The following TANK variants were observed in gnomAD, a reference collection of about 807,000 sequenced individuals.
The protein encoded by TANK is TRAF family member-associated NF-kappa-B activator.
Under a neutral mutation model 43.6 loss-of-function variants are expected in TANK, and 15 were observed. That is an observed-to-expected ratio of 0.34 (90% confidence interval 0.23 to 0.53). The LOEUF (loss-of-function observed/expected upper bound fraction) is 0.53, where lower values mean the gene tolerates loss of function less well. Among genes scored for constraint, TANK ranks in the 20% least tolerant of loss-of-function variants. TANK has a pLI of 0.94. For synonymous variants in TANK, 162 were observed against 178.2 expected, an observed-to-expected ratio of 0.91 and a Z score of 0.73; for missense variants, 417 against 498.6, an observed-to-expected ratio of 0.84 and a Z score of 1.56.
intron 4 of TANK, chr2:161,207,843 G>C (rs934990700): frequency 1.0e-6 from 1 of 985,186 alleles, no homozygotes; most frequent in Admixed American, 6.1e-5. Flanking sequence ...ACATGGATGA[G>C]AACTGGAAGG....
intron 5 of TANK, 41 bp from the exon 6 acceptor site, chr2:161,224,590 G>A (rs1559007014): frequency 2.0e-6 from 2 of 990,700 alleles, no homozygotes; most frequent in East Asian, 2.7e-5. Flanking sequence ...AAACTTGGAA[G>A]TTATAGCTTT....
intron 2 of TANK, among the ~76,000 whole-genome samples, chr2:161,185,466 G>A (rs1277654480): frequency 6.6e-6 from 1 of 151,916 alleles, no homozygotes; most frequent in Admixed American, 6.6e-5. Flanking sequence ...GTGATAACTA[G>A]TGAGGTTTTT....
intron 4 of TANK, chr2:161,211,688 G>T (rs1006087769): frequency 5.8e-6 from 5 of 868,996 alleles, no homozygotes; most frequent in Non-Finnish European, 6.9e-6. Context: ...TTAAAAATTT[G>T]CCCCTGAATT....
intron 1 of TANK, among the ~76,000 whole-genome samples, chr2:161,168,512 A>C (rs1684795755): frequency 6.6e-6 from 1 of 152,112 alleles, no homozygotes; most frequent in Non-Finnish European, 1.5e-5. Flanking sequence ...AAAAGAAAAA[A>C]AATCCTAATT....
Position 161,235,505 on chromosome 2 carries a change from A to G in TANK, c.1265A>G (p.Asn422Ser). The G allele has an allele frequency of 6.2e-7, 1 of 1,613,392 alleles. No individual in the cohort carries two copies. The highest frequency in any genetic ancestry group is 8.5e-7 in the Non-Finnish European group (1 of 1,179,690). Residue 422 changes from asparagine (N) to serine (S), a missense_variant, in exon 8 of 8, where the codon AAT (asparagine) becomes AGT (serine). Coordinates refer to ENST00000392749, the MANE Select transcript of TANK (RefSeq NM_001199135.3). ...DFLRHLNSHF[N>S]GET is the part of the protein sequence containing the mutation. The stretch of plus-strand genomic sequence containing the variant: ...CTTCGGCATCTTAATTCACACTTCA[A>G]TGGAGAGACTTAAGACACATTTGAA...
At chr2:161,193,998 A>G (rs549720797) in intron 2 of TANK, among the ~76,000 whole-genome samples, 5 of 152,294 alleles carry the variant, frequency 3.3e-5, no homozygotes, top group African/African-American at 1.2e-4. Flanking sequence ...ACTCCATAAT[A>G]TGGAATTAAA....
At chr2:161,175,192 T>C (rs1685123936) in intron 1 of TANK, among the ~76,000 whole-genome samples, 1 of 152,190 alleles carries the variant, frequency 6.6e-6, no homozygotes, top group South Asian at 2.1e-4. Flanking sequence ...GTATCAGTGG[T>C]ACCCAGCACA....
intron 2 of TANK, chr2:161,200,327 G>A: frequency 1.0e-6 from 1 of 983,176 alleles, no homozygotes; most frequent in Non-Finnish European, 1.2e-6. Flanking sequence ...CTATGACTGT[G>A]CAACAATAAT....
At chr2:161,196,766 G>T (rs891606111) in intron 2 of TANK, among the ~76,000 whole-genome samples, 1 of 152,164 alleles carries the variant, frequency 6.6e-6, no homozygotes, top group Non-Finnish European at 1.5e-5. Context: ...TGAGGCAGGA[G>T]AATCACTTGA....
At chr2:161,148,037 C>T (rs1337964778) in intron 1 of TANK, among the ~76,000 whole-genome samples, 1 of 152,110 alleles carries the variant, frequency 6.6e-6, no homozygotes, top group Non-Finnish European at 1.5e-5. Context: ...TGGGTATATA[C>T]CTATCAGTAG....
At chr2:161,203,173 T>C (rs1686497278) in intron 2 of TANK, among the ~76,000 whole-genome samples, 1 of 152,136 alleles carries the variant, frequency 6.6e-6, no homozygotes, top group Admixed American at 6.5e-5. Flanking sequence ...CTTTTTTTTT[T>C]CCATTAAGGA....
At chr2:161,169,866 C>T (rs1270551297) in intron 1 of TANK, among the ~76,000 whole-genome samples, 4 of 152,146 alleles carry the variant, frequency 2.6e-5, no homozygotes, top group African/African-American at 9.7e-5. Flanking sequence ...CAGTTTCCTC[C>T]TCTGTAAAGG....
rs986971500 is a variant in TANK, at chr2:161,213,203, T to C, written c.327+8410T>C. Among the ~76,000 whole-genome samples, 4 of 152,164 alleles carry C rather than the reference T, an allele frequency of 2.6e-5. No homozygotes were observed. In the East Asian group the frequency reaches 5.8e-4, roughly 22 times the overall value. On this transcript the variant is annotated intron_variant, in intron 4 of 7. Coordinates refer to ENST00000392749, the MANE Select transcript of TANK (RefSeq NM_001199135.3). ...CTCCCATTAGGCCCCACCTCCAACA[T>C]TGGGGATCAAATTTTAAAATCAGAG...
intron 1 of TANK, among the ~76,000 whole-genome samples, chr2:161,145,442 T>C (rs548867815): frequency 1.3e-4 from 19 of 151,862 alleles, no homozygotes; most frequent in African/African-American, 4.6e-4. Flanking sequence ...TTGATGTTGA[T>C]ATTTTGGTGT....
chr2:161,165,650 G>A (rs1448185549), intron 1 of TANK, among the ~76,000 whole-genome samples: 1 of 152,112 alleles, frequency 6.6e-6, no homozygotes, highest in African/African-American at 2.4e-5. Flanking sequence ...TCACCATACT[G>A]ACTACAGACT....
At chr2:161,212,632 A>G (rs1354950744) in intron 4 of TANK, 1 of 985,238 alleles carries the variant, frequency 1.0e-6, no homozygotes, top group Non-Finnish European at 1.2e-6. Context: ...GCAAATTCGA[A>G]TGTCTCTAGT....
chr2:161,233,636 T>G (rs879387697), intron 7 of TANK, among the ~76,000 whole-genome samples: 1 of 152,098 alleles, frequency 6.6e-6, no homozygotes, highest in Non-Finnish European at 1.5e-5. Context: ...CCCAACTAAA[T>G]TCTATGAAGA....
Position 161,231,248 on chromosome 2 carries a change from A to G in TANK, c.798A>G (p.Gln266=), listed in dbSNP as rs772828377. 8 of 1,613,944 alleles carry G rather than the reference A, an allele frequency of 5.0e-6. No individual in the cohort carries two copies. The Admixed American group carries it at 1.3e-4, about 27-fold the overall frequency. Residue 266 remains glutamine (Q), a synonymous_variant, in exon 7 of 8, where the codon CAA becomes CAG. Coordinates refer to ENST00000392749, the MANE Select transcript of TANK (RefSeq NM_001199135.3). Reference sequence around the variant, plus strand: ...CTGCCACGTCTGAGGCAGTGTGCCAAGAGAAATTTAATATGGAGTTCAGAG... The same window carrying G: ...CTGCCACGTCTGAGGCAGTGTGCCAGGAGAAATTTAATATGGAGTTCAGAG... ...LSPATSEAVC[Q]EKFNMEFRDN...
rs188023927 is a variant in TANK, at chr2:161,229,907, C to T, written c.521-1064C>T. ...AGCTTAATTTGGCTTTTTCTAGTGT[C>T]TCAGAATCATCAACATGGAGAGTAC... On this transcript the variant is annotated intron_variant, in intron 6 of 7. Transcript: ENST00000392749. Among the ~76,000 whole-genome samples, 249 of 152,280 alleles carry T rather than the reference C, an allele frequency of 1.6e-3. 1 individual carries two copies. The highest frequency in any genetic ancestry group is 3.0e-3 in the Non-Finnish European group (201 of 68,006).
Sources: allele counts gnomAD v4.1 joint callset (sites outside exome capture counted in the v4.1 genomes callset), GRCh38; gene constraint gnomAD v4.1.1; transcripts MANE v1.5; gene names NCBI Gene and HGNC (gene_info 2026-07-23, HGNC 2026-07-21).